The following DOCK1 variants were observed in gnomAD, a reference collection of about 807,000 sequenced individuals.
The protein encoded by DOCK1 is dedicator of cytokinesis protein 1.
Under a neutral mutation model 262.7 loss-of-function variants are expected in DOCK1, and 138 were observed. The ratio of observed to expected loss-of-function variants is 0.53; its 90% CI spans 0.46 to 0.61. DOCK1 has a LOEUF of 0.61. Ranked by LOEUF, DOCK1 falls within the 20% of genes least tolerant of loss-of-function variation. The pLI, the probability that DOCK1 is intolerant of heterozygous loss-of-function variation, is 0.00. For synonymous variants in DOCK1, 866 were observed against 867.4 expected, an observed-to-expected ratio of 1.00 and a Z score of 0.03; for missense variants, 1,908 against 2,370.7, an observed-to-expected ratio of 0.80 and a Z score of 4.05.
intron 1 of DOCK1, among the ~76,000 whole-genome samples, chr10:126,949,882 G>T (rs2036041887): frequency 6.6e-6 from 1 of 152,012 alleles, no homozygotes; most frequent in African/African-American, 2.4e-5. Flanking sequence ...GCTCTGTCTG[G>T]CTCTCGATGG....
chr10:127,189,444 G>A (rs1238446124), intron 27 of DOCK1, among the ~76,000 whole-genome samples: 1 of 152,176 alleles, frequency 6.6e-6, no homozygotes, highest in Non-Finnish European at 1.5e-5. Flanking sequence ...CTGTCATTCA[G>A]CCTCACCCTG....
intron 51 of DOCK1, among the ~76,000 whole-genome samples, chr10:127,450,134 T>A (rs545560709): frequency 6.6e-6 from 1 of 152,326 alleles, no homozygotes; most frequent in Middle Eastern, 3.4e-3. Context: ...TTCCTTAATA[T>A]AAGGTCATAC....
At chr10:127,071,584 A>C (rs2046237795) in intron 23 of DOCK1, among the ~76,000 whole-genome samples, 1 of 152,178 alleles carries the variant, frequency 6.6e-6, no homozygotes, top group African/African-American at 2.4e-5. Context: ...TTTTTGGTTT[A>C]CTGATTTTTT....
chr10:127,415,901 ATC>A (rs2068120753), intron 44 of DOCK1, among the ~76,000 whole-genome samples: 3 of 139,806 alleles, frequency 2.1e-5, no homozygotes, highest in African/African-American at 8.4e-5. Flanking sequence ...ATATAAAAAC[ATC>A]TGATTGAAAT....
chr10:127,013,312 C>A (rs1198503985), intron 12 of DOCK1, among the ~76,000 whole-genome samples: 2 of 152,042 alleles, frequency 1.3e-5, no homozygotes, highest in African/African-American at 4.8e-5. Context: ...GACCCAGGAC[C>A]CATCTTCTCC....
At position 127,086,315 on chromosome 10, in the gene DOCK1, A is replaced by G. The variant is rs796626314; in HGVS notation, c.2446-19916A>G. The stretch of plus-strand genomic sequence containing the variant: ...TGTAGACTTCCCACATTTCCCCCCA[A>G]ATTAGTCCCCAGGAGCTGAGTAACC... On this transcript the variant is annotated intron_variant, in intron 23 of 51. Coordinates refer to ENST00000623213, the MANE Select transcript of DOCK1 (RefSeq NM_001290223.2). Among the ~76,000 whole-genome samples the G allele has an allele frequency of 4.6e-5, 7 of 151,972 alleles. No individual in the cohort carries two copies. The South Asian group carries it at 1.0e-3, about 23-fold the overall frequency.
At chr10:127,314,414 G>A (rs991401040) in intron 29 of DOCK1, among the ~76,000 whole-genome samples, 5 of 152,194 alleles carry the variant, frequency 3.3e-5, no homozygotes, top group East Asian at 3.9e-4. Flanking sequence ...AGTGCCTGCC[G>A]GCCTCCAGAT....
chr10:127,410,992 C>T (rs11017953), intron 43 of DOCK1, 68 bp downstream of exon 43: 356,474 of 1,506,750 alleles, frequency 0.24, 44,118 homozygotes, highest in African/African-American at 0.33. Context: ...AGAACTGCCA[C>T]TGGAGAAGCG....
intron 6 of DOCK1, among the ~76,000 whole-genome samples, chr10:126,996,535 ATTTTTT>A (rs10538924): frequency 1.4e-4 from 19 of 136,236 alleles, no homozygotes; most frequent in African/African-American, 2.5e-4. Context: ...AAAATTGAGG[ATTTTTT>A]TTTTTTTTTT....
rs1450348750 is a variant in DOCK1 at position 126,913,629 on chromosome 10, G to C, written c.46+8066G>C. Among the ~76,000 whole-genome samples the C allele has an allele frequency of 2.6e-5, 4 of 152,324 alleles. No individual in the cohort carries two copies. The East Asian group carries it at 7.7e-4, about 29-fold the overall frequency. On this transcript the variant is annotated intron_variant, in intron 1 of 51. Transcript: ENST00000623213. Reference sequence around the variant, plus strand: ...TGACTTACAAGCTCAGTTTTGGCCTGCCACTCTGCAGTTATCCACATGCCC... The same window carrying C: ...TGACTTACAAGCTCAGTTTTGGCCTCCCACTCTGCAGTTATCCACATGCCC...
Position 127,176,189 on chromosome 10 carries a change from C to A in DOCK1, c.2847+48425C>A, listed in dbSNP as rs201807593. 2.4e-5 allele frequency: 39 copies of A among 1,614,008 alleles called. No individual in the cohort carries two copies. The highest frequency in any genetic ancestry group is 1.6e-4 in the Middle Eastern group (1 of 6,084). ...CGGGCTTGGCCTCCCGCTTCTCCCC[C>A]AGCTGGCCCGAGGACAGCTGTGTGT... On this transcript the variant is annotated intron_variant, in intron 27 of 51. Coordinates refer to ENST00000623213, the MANE Select transcript of DOCK1 (RefSeq NM_001290223.2). This position sits in a 1 kb window ranked among gnomAD's most constrained non-coding sequence, Gnocchi z 4.4.
intron 1 of DOCK1, among the ~76,000 whole-genome samples, chr10:126,927,225 G>A (rs912455288): frequency 4.6e-5 from 7 of 152,108 alleles, no homozygotes; most frequent in East Asian, 1.9e-4. Context: ...GCAGATTTCC[G>A]TCTCTGATCT....
chr10:127,187,663 G>A (rs370148405), intron 27 of DOCK1, among the ~76,000 whole-genome samples: 12 of 151,798 alleles, frequency 7.9e-5, no homozygotes, highest in Admixed American at 4.6e-4. Context: ...CCTCAGCCTC[G>A]CTCCCTCGAA....
At chr10:126,947,006 G>A (rs1172999122) in intron 1 of DOCK1, among the ~76,000 whole-genome samples, 1 of 152,190 alleles carries the variant, frequency 6.6e-6, no homozygotes, top group Non-Finnish European at 1.5e-5. Flanking sequence ...CCCCATCCCT[G>A]GCCCATGACT....
chr10:127,037,850 T>TG (rs1564752567), intron 19 of DOCK1, 34 bp downstream of exon 19: 1 of 243,498 alleles, frequency 4.1e-6, no homozygotes, highest in Non-Finnish European at 5.8e-6. Context: ...TTTTGGGTCT[T>TG]TTTTTTTTTT....
chr10:127,261,549 AC>A (rs1295179901), intron 29 of DOCK1, among the ~76,000 whole-genome samples: 4 of 44,046 alleles, frequency 9.1e-5, no homozygotes, highest in African/African-American at 3.8e-4. Flanking sequence ...GTGTGTGTGT[AC>A]CCGTGCTCAT....
intron 16 of DOCK1, 89 bp from the exon 17 acceptor site, chr10:127,031,561 C>A (rs981767933): frequency 9.9e-6 from 10 of 1,008,756 alleles, no homozygotes; most frequent in Middle Eastern, 2.2e-4. Context: ...TAATTGTTTT[C>A]ATAAAGGTAG....
chr10:127,264,140 C>G (rs1445886854), intron 29 of DOCK1, among the ~76,000 whole-genome samples: 9 of 152,144 alleles, frequency 5.9e-5, no homozygotes, highest in Admixed American at 5.9e-4. Context: ...TGTAACAAAA[C>G]CTTATCCACA....
At chr10:127,116,121 T>C (rs1051140335) in intron 25 of DOCK1, among the ~76,000 whole-genome samples, 3 of 152,128 alleles carry the variant, frequency 2.0e-5, no homozygotes, top group Admixed American at 6.6e-5. Context: ...GTTTGTCTGT[T>C]TGTTGTTTTT....
Sources: gnomAD v4.1 joint callset for allele counts (sites outside exome capture counted in the v4.1 genomes callset) on GRCh38, gnomAD v4.1.1 for gene constraint, Gnocchi (gnomAD v3.1) non-coding constraint, MANE v1.5 for transcripts, NCBI Gene and HGNC (gene_info 2026-07-23, HGNC 2026-07-21) for gene names.